MEF2C: variants seen among roughly 807,000 people sequenced by gnomAD.
The protein encoded by MEF2C is myocyte enhancer factor 2C, also known as myocyte-specific enhancer factor 2C.
In MEF2C, 6 loss-of-function variants were observed where a neutral mutation model predicts 50.5. The ratio of observed to expected loss-of-function variants is 0.12; its 90% CI spans 0.07 to 0.23. The LOEUF is 0.23. Among genes scored for constraint, MEF2C ranks in the 10% least tolerant of loss-of-function variants. The pLI is 1.00. For missense variants in MEF2C, 276 were observed against 605.0 expected (o/e 0.46, Z 5.70); for synonymous variants, 183 against 228.0 (o/e 0.80, Z 1.78).
At position 88,823,791 on chromosome 5, in the gene MEF2C, T is replaced by C. The variant is rs1427198757; in HGVS notation, c.-3A>G. The C allele has an allele frequency of 6.2e-7, 1 of 1,608,934 alleles. No homozygotes were observed. The highest frequency in any genetic ancestry group is 8.5e-7 in the Non-Finnish European group (1 of 1,176,962). ...ATCTGAATCTTTTTTCTCCCCATAG[T>C]CCCCGTTTTTCTTCTCTCTCTCGTC... On this transcript the variant is annotated 5_prime_UTR_variant, in exon 2 of 11. Transcript: ENST00000504921.
At chr5:88,791,970 A>G (rs1431545267) in intron 3 of MEF2C, among the ~76,000 whole-genome samples, 1 of 152,098 alleles carries the variant, frequency 6.6e-6, no homozygotes, top group Admixed American at 6.6e-5. Flanking sequence ...AAAAGCAATT[A>G]TATGCTTGGC....
chr5:88,837,729 T>C (rs1053423910), intron 1 of MEF2C, among the ~76,000 whole-genome samples: 1 of 152,144 alleles, frequency 6.6e-6, no homozygotes, highest in African/African-American at 2.4e-5. Context: ...TTTGGATAAA[T>C]AGAATTGTTT....
At chr5:88,744,809 T>C (rs769743933) in intron 6 of MEF2C, among the ~76,000 whole-genome samples, 1 of 152,200 alleles carries the variant, frequency 6.6e-6, no homozygotes, top group Non-Finnish European at 1.5e-5. Flanking sequence ...TAAGTGATGA[T>C]AAGAAGTTGT....
chr5:88,879,938 G>C (rs1360488654), intron 1 of MEF2C, among the ~76,000 whole-genome samples: 1 of 151,734 alleles, frequency 6.6e-6, no homozygotes, highest in Non-Finnish European at 1.5e-5. Context: ...CTTTTGTAAC[G>C]TGCATAGACT....
intron 1 of MEF2C, among the ~76,000 whole-genome samples, chr5:88,893,294 A>G (rs901825319): frequency 1.3e-5 from 2 of 150,754 alleles, no homozygotes; most frequent in African/African-American, 4.9e-5. Flanking sequence ...CTATCTTTCT[A>G]GGTATTTTTC....
At chr5:88,797,454 CCTTTTTTTTTTTTTTT>C (rs1274251640) in intron 3 of MEF2C, among the ~76,000 whole-genome samples, 4 of 25,220 alleles carry the variant, frequency 1.6e-4, no homozygotes, top group African/African-American at 3.9e-4. Context: ...GCAACCCTTG[CCTTTTTTTTTTTTTTT>C]TTTTTTTTTT....
chr5:88,837,434 C>T (rs1815603806), intron 1 of MEF2C, among the ~76,000 whole-genome samples: 1 of 152,074 alleles, frequency 6.6e-6, no homozygotes, highest in Non-Finnish European at 1.5e-5. Context: ...CCGCAAAGCA[C>T]TAAGCGCAAA....
At chr5:88,789,310 G>T (rs1299105421) in intron 3 of MEF2C, among the ~76,000 whole-genome samples, 1 of 151,878 alleles carries the variant, frequency 6.6e-6, no homozygotes, top group Non-Finnish European at 1.5e-5. Flanking sequence ...AGGAGTACAG[G>T]TATGCACCAC....
chr5:88,868,608 C>T (rs1031276977), intron 1 of MEF2C, among the ~76,000 whole-genome samples: 1 of 152,118 alleles, frequency 6.6e-6, no homozygotes, highest in African/African-American at 2.4e-5. Flanking sequence ...TAACACACTA[C>T]AATTCTCCCC....
chr5:88,861,825 A>G (rs1296669956), intron 1 of MEF2C, among the ~76,000 whole-genome samples: 1 of 152,248 alleles, frequency 6.6e-6, no homozygotes. Context: ...AATGCTGTAT[A>G]CTTAATTTAC....
At chr5:88,741,685 G>A in intron 6 of MEF2C, 1 of 978,680 alleles carries the variant, frequency 1.0e-6, no homozygotes, top group African/African-American at 1.8e-5. Context: ...GTATAGCAGG[G>A]CTTTTTCCTC....
chr5:88,833,486 C>G (rs1180000928), intron 1 of MEF2C, among the ~76,000 whole-genome samples: 1 of 152,130 alleles, frequency 6.6e-6, no homozygotes, highest in Non-Finnish European at 1.5e-5. Context: ...CAGCCCAAAT[C>G]CTGCCATTAC....
chr5:88,857,169 A>G (rs767248088), intron 1 of MEF2C, among the ~76,000 whole-genome samples: 44 of 152,238 alleles, frequency 2.9e-4, no homozygotes, highest in Non-Finnish European at 5.7e-4. Context: ...AAAGGTGATC[A>G]TTTTGGAAAT....
intron 6 of MEF2C, chr5:88,742,026 A>G (rs991617361): frequency 2.0e-6 from 2 of 985,288 alleles, no homozygotes; most frequent in African/African-American, 3.5e-5. Context: ...ACTGAAACAT[A>G]CTATGTAAGT....
intron 1 of MEF2C, among the ~76,000 whole-genome samples, chr5:88,832,565 T>C (rs981925951): frequency 3.3e-5 from 5 of 152,102 alleles, no homozygotes; most frequent in African/African-American, 9.7e-5. Flanking sequence ...TCCAGGGAAA[T>C]GACTGATTAA....
intron 3 of MEF2C, chr5:88,766,582 T>C: frequency 5.2e-6 from 5 of 954,402 alleles, no homozygotes; most frequent in Non-Finnish European, 6.2e-6. Context: ...CTCAATTTCT[T>C]TACATGTCTG....
At chr5:88,836,843 G>A (rs146282398) in intron 1 of MEF2C, among the ~76,000 whole-genome samples, 1 of 152,082 alleles carries the variant, frequency 6.6e-6, no homozygotes, top group East Asian at 1.9e-4. Flanking sequence ...TCCTATTTTA[G>A]CCTGATTCTC....
rs1355364876 is a variant in MEF2C at position 88,850,737 on chromosome 5, CACAT to C, written c.-142-26811_-142-26808del. Among the ~76,000 whole-genome samples the C allele has an allele frequency of 8.6e-5, 13 of 152,044 alleles. No individual in the cohort carries two copies. In the East Asian group the frequency reaches 2.3e-3, roughly 27 times the overall value. The stretch of plus-strand genomic sequence containing the variant: ...ACACACACATATATATGCACACACA[CACAT>C]ACATATAATTATTTAAGAAAGAATA... On this transcript the variant is annotated intron_variant, in intron 1 of 10. Transcript: ENST00000504921.
chr5:88,824,308 AC>A (rs2153223470), intron 1 of MEF2C: 2 of 985,316 alleles, frequency 2.0e-6, no homozygotes, highest in South Asian at 9.4e-5. Flanking sequence ...ACCTTTATGT[AC>A]CTGTGTATGC....
Sources: allele counts gnomAD v4.1 joint callset (sites outside exome capture counted in the v4.1 genomes callset), GRCh38; gene constraint gnomAD v4.1.1; transcripts MANE v1.5; gene names NCBI Gene and HGNC (gene_info 2026-07-23, HGNC 2026-07-21).